Variants in LPP observed in about 807,000 individuals in gnomAD.
LPP encodes LIM domain containing preferred translocation partner in lipoma.
LPP carries 38 observed loss-of-function variants against 60.4 expected under a neutral mutation model. That is an observed-to-expected ratio of 0.63 (90% confidence interval 0.49 to 0.83). The LOEUF (loss-of-function observed/expected upper bound fraction) is 0.83, where lower values mean the gene tolerates loss of function less well. LPP is among the 40% of genes least tolerant of loss of function. The pLI is 0.00. For missense variants in LPP, 902 were observed against 783.6 expected, an observed-to-expected ratio of 1.15 and a Z score of -1.80; for synonymous variants, 328 against 290.8, an observed-to-expected ratio of 1.13 and a Z score of -1.30.
At chr3:188,421,032 C>A (rs1226816231) in intron 4 of LPP, among the ~76,000 whole-genome samples, 2 of 152,124 alleles carry the variant, frequency 1.3e-5, no homozygotes, top group African/African-American at 4.8e-5. Flanking sequence ...CCTCACCCCC[C>A]ATTTTACTGT....
chr3:188,697,866 C>T (rs139534146), intron 7 of LPP, among the ~76,000 whole-genome samples: 1 of 146,850 alleles, frequency 6.8e-6, no homozygotes, highest in African/African-American at 2.7e-5. Context: ...ATCAGATGTA[C>T]TATTTTCATA....
rs60989319 is a variant in LPP, at chr3:188,804,243, T to TTATATATATATATATATA, written c.1410+43984_1410+44001dup. ...ATTATGTTTTCAATGTAGTGCATCT[T>TTATATATATATATATATA]TATATATATATATATATATATATAT... On this transcript the variant is annotated intron_variant, in intron 9 of 11. Coordinates refer to ENST00000617246, the MANE Select transcript of LPP (RefSeq NM_001375462.1). Among the ~76,000 whole-genome samples, 216 of 37,670 alleles carry TTATATATATATATATATA rather than the reference T, an allele frequency of 5.7e-3. 6 individuals are homozygous for TTATATATATATATATATA. Among genetic ancestry groups the TTATATATATATATATATA allele is most frequent in the East Asian group, 0.01 (5 of 494 alleles). The allele number at this position is 37,670 out of a possible 152,430, so 24.7% of individuals were successfully genotyped here.
chr3:188,469,863 C>T (rs1801379236), intron 4 of LPP, among the ~76,000 whole-genome samples: 1 of 152,072 alleles, frequency 6.6e-6, no homozygotes, highest in African/African-American at 2.4e-5. Flanking sequence ...AAAGAATAAT[C>T]TCACAGTAAA....
Position 188,249,642 on chromosome 3 carries a change from C to T in LPP, c.-67+24115C>T, listed in dbSNP as rs1377918871. ...TCTCAGTTACTACATTTTCCCCTCT[C>T]CTCTTTCTGATGGTTTTTTTCTTAA... On this transcript the variant is annotated intron_variant, in intron 2 of 11. Transcript: ENST00000617246. Among the ~76,000 whole-genome samples the T allele has an allele frequency of 2.0e-5, 3 of 151,852 alleles. No individual in the cohort carries two copies. In the East Asian group the frequency reaches 5.8e-4, roughly 29 times the overall value.
intron 6 of LPP, among the ~76,000 whole-genome samples, chr3:188,599,952 A>G (rs1458482283): frequency 6.6e-6 from 1 of 152,032 alleles, no homozygotes; most frequent in Admixed American, 6.6e-5. Context: ...GCTACTATTT[A>G]TCCTCATTTA....
chr3:188,378,552 C>T (rs1016905434), intron 3 of LPP, among the ~76,000 whole-genome samples: 6 of 152,190 alleles, frequency 3.9e-5, no homozygotes, highest in African/African-American at 1.4e-4. Flanking sequence ...ATTTTTAAAG[C>T]CCATTGGAAA....
chr3:188,177,953 C>G (rs1348528697), intron 1 of LPP, among the ~76,000 whole-genome samples: 1 of 152,200 alleles, frequency 6.6e-6, no homozygotes, highest in African/African-American at 2.4e-5. Context: ...GTTCTAAGCC[C>G]TGGCCAATTC....
chr3:188,641,275 G>A (rs1422604369), intron 7 of LPP, among the ~76,000 whole-genome samples: 1 of 152,190 alleles, frequency 6.6e-6, no homozygotes, highest in Non-Finnish European at 1.5e-5. Flanking sequence ...GTGTTCTCCA[G>A]CCAGAGCGAG....
chr3:188,207,388 C>G (rs1006734627), intron 1 of LPP, among the ~76,000 whole-genome samples: 1 of 151,732 alleles, frequency 6.6e-6, no homozygotes, highest in Admixed American at 6.6e-5. Flanking sequence ...CACACCACCA[C>G]GCCTGTTTAG....
intron 9 of LPP, among the ~76,000 whole-genome samples, chr3:188,789,756 G>C (rs931333313): frequency 6.6e-6 from 1 of 151,966 alleles, no homozygotes; most frequent in Admixed American, 6.6e-5. Flanking sequence ...TCATTTATTA[G>C]ACAAAAAGAG....
chr3:188,709,013 G>C (rs1032386515), intron 8 of LPP: 7 of 152,150 alleles, frequency 4.6e-5, no homozygotes, highest in Non-Finnish European at 8.8e-5. Context: ...AGTAAAAAAT[G>C]TGGAATTGGA....
At chr3:188,375,764 C>T (rs2151131444) in intron 3 of LPP, among the ~76,000 whole-genome samples, 1 of 152,124 alleles carries the variant, frequency 6.6e-6, no homozygotes, top group South Asian at 2.1e-4. Flanking sequence ...AATGTGTTTG[C>T]TCTTGCTTTT....
chr3:188,814,549 CT>C (rs1751950917), intron 9 of LPP, among the ~76,000 whole-genome samples: 1 of 152,160 alleles, frequency 6.6e-6, no homozygotes, highest in African/African-American at 2.4e-5. Context: ...ATTCCATGTA[CT>C]TTTTTTCCAA....
chr3:188,436,537 G>T (rs1792339635), intron 4 of LPP, among the ~76,000 whole-genome samples: 1 of 152,142 alleles, frequency 6.6e-6, no homozygotes, highest in South Asian at 2.1e-4. Context: ...TATAAATAAT[G>T]TTTGTGTAAG....
chr3:188,848,817 T>C lies in LPP; in HGVS notation c.1411-17383T>C, dbSNP rs563882933. ...CCCATCTCTACTAAAAGTACAAAAA[T>C]TAGCCGGGCATGGTGGTGCACACCT... On this transcript the variant is annotated intron_variant, in intron 9 of 11. Transcript: ENST00000617246. 3.6e-4 allele frequency among the ~76,000 whole-genome samples: 55 copies of C among 152,040 alleles called. 1 individual carries two copies. Among genetic ancestry groups the C allele is most frequent in the African/African-American group, 1.3e-3 (54 of 41,488 alleles).
intron 7 of LPP, among the ~76,000 whole-genome samples, chr3:188,632,065 A>AT (rs970410638): frequency 1.1e-4 from 17 of 152,148 alleles, no homozygotes; most frequent in Admixed American, 4.6e-4. Flanking sequence ...TCGTCAAAGC[A>AT]TGTTTATTTA....
intron 5 of LPP, among the ~76,000 whole-genome samples, chr3:188,500,305 G>A (rs1049103708): frequency 1.3e-5 from 2 of 151,938 alleles, no homozygotes; most frequent in Middle Eastern, 3.2e-3. Flanking sequence ...TCTTATGAAA[G>A]GATATTGAAT....
chr3:188,555,738 A>T (rs1829313606), intron 6 of LPP, among the ~76,000 whole-genome samples: 1 of 152,122 alleles, frequency 6.6e-6, no homozygotes, highest in South Asian at 2.1e-4. Flanking sequence ...TTTGGCTTTG[A>T]ATATGTTATA....
rs575328208 is a variant in LPP at position 188,419,098 on chromosome 3, G to A, written c.193+12785G>A. Among the ~76,000 whole-genome samples, 3 of 152,216 alleles carry A rather than the reference G, an allele frequency of 2.0e-5. No homozygotes were observed. The South Asian group carries it at 6.2e-4, about 32-fold the overall frequency. On this transcript the variant is annotated intron_variant, in intron 4 of 11. Transcript: ENST00000617246. The stretch of plus-strand genomic sequence containing the variant: ...GTCTCCCAGAAATATCACCACTTGA[G>A]GTGAGAGTAAAGTGTCATGAATGCC...
Sources: gnomAD v4.1 joint callset for allele counts (sites outside exome capture counted in the v4.1 genomes callset) on GRCh38, gnomAD v4.1.1 for gene constraint, MANE v1.5 for transcripts, NCBI Gene and HGNC (gene_info 2026-07-23, HGNC 2026-07-21) for gene names.